The following DLGAP4 variants were observed in gnomAD, a reference collection of about 807,000 sequenced individuals.
The protein encoded by DLGAP4 is DLG associated protein 4, also known as disks large-associated protein 4.
In DLGAP4, 18 loss-of-function variants were observed where a neutral mutation model predicts 86.9. The observed-to-expected ratio is 0.21, with a 90% confidence interval of 0.14 to 0.31. DLGAP4 has a LOEUF of 0.31. Ranked by LOEUF, DLGAP4 falls within the 10% of genes least tolerant of loss-of-function variation. The pLI is 1.00. For missense variants in DLGAP4, 1,085 were observed against 1,362.6 expected (o/e 0.80, Z 3.21); for synonymous variants, 548 against 574.3 (o/e 0.95, Z 0.65).
rs2147879208 is a variant in DLGAP4 at position 36,526,837 on chromosome 20, G to A, written c.2785G>A (p.Val929Ile). Residue 929 changes from valine to isoleucine, a missense_variant, in exon 13 of 13, where the codon GTC becomes ATC. Physicochemically the swap from Val to Ile is conservative, Grantham distance 29. Coordinates refer to ENST00000339266, the MANE Select transcript of DLGAP4 (RefSeq NM_001365621.2). ...RKEEKKPPPP[V>I]PKKPAKSKPA... ...GGAAGAGAAGAAACCACCCCCTCCG[G>A]TCCCAAAGAAGCCAGCCAAATCCAA... The A allele has an allele frequency of 6.2e-7, 1 of 1,609,666 alleles. No homozygotes were observed. Among genetic ancestry groups the A allele is most frequent in the South Asian group, 1.1e-5 (1 of 90,608 alleles).
intron 1 of DLGAP4, among the ~76,000 whole-genome samples, chr20:36,332,494 G>A (rs1203909498): frequency 6.6e-6 from 1 of 152,134 alleles, no homozygotes; most frequent in East Asian, 1.9e-4. Flanking sequence ...GGTTCAAGCA[G>A]GTCTTCTCCC....
At chr20:36,495,920 T>G (rs1175844806) in intron 7 of DLGAP4, among the ~76,000 whole-genome samples, 1 of 152,166 alleles carries the variant, frequency 6.6e-6, no homozygotes, top group African/African-American at 2.4e-5. Flanking sequence ...TTCCCCAGGC[T>G]GGAGTGCAAT....
chr20:36,514,871 C>G (rs573299156), intron 10 of DLGAP4, among the ~76,000 whole-genome samples: 2 of 152,204 alleles, frequency 1.3e-5, no homozygotes, highest in South Asian at 2.1e-4. Context: ...AAGTAGAGAA[C>G]AGATAGCTTC....
chr20:36,498,433 ATCTTC>A (rs2035981489), intron 8 of DLGAP4: 1 of 152,222 alleles, frequency 6.6e-6, no homozygotes, highest in African/African-American at 2.4e-5. Context: ...AGACGCTCTT[ATCTTC>A]CCGGAAAGCC....
intron 8 of DLGAP4, 189 bp downstream of exon 8, chr20:36,497,255 G>A (rs933698544): frequency 1.1e-5 from 11 of 985,262 alleles, no homozygotes; most frequent in South Asian, 9.4e-5. Flanking sequence ...CTGTCCACAC[G>A]TGCTGCTGGT....
At chr20:36,477,963 C>T (rs6013422) in intron 7 of DLGAP4, among the ~76,000 whole-genome samples, 12 of 152,146 alleles carry the variant, frequency 7.9e-5, no homozygotes, top group Non-Finnish European at 7.3e-5. Context: ...GTCAGTCTTT[C>T]GAAGGACAGT....
intron 12 of DLGAP4, 110 bp from the exon 13 acceptor site, chr20:36,526,703 C>T (rs938315071): frequency 1.4e-5 from 14 of 996,384 alleles, no homozygotes; most frequent in African/African-American, 1.3e-4. Context: ...GTGCCCGATG[C>T]GGGGAGGCTG....
chr20:36,514,310 G>A (rs1269368799), intron 10 of DLGAP4, among the ~76,000 whole-genome samples: 1 of 152,122 alleles, frequency 6.6e-6, no homozygotes, highest in Non-Finnish European at 1.5e-5. Context: ...ATTAAGAGAA[G>A]AGAAAACAGG....
At chr20:36,353,425 C>T (rs1335680269) in intron 1 of DLGAP4, among the ~76,000 whole-genome samples, 2 of 152,246 alleles carry the variant, frequency 1.3e-5, no homozygotes, top group Admixed American at 6.5e-5. Flanking sequence ...GCGTCTTCTC[C>T]ATGGCCAGGC....
intron 2 of DLGAP4, among the ~76,000 whole-genome samples, chr20:36,407,565 AG>A (rs2032361186): frequency 6.6e-6 from 1 of 152,098 alleles, no homozygotes; most frequent in African/African-American, 2.4e-5. Context: ...GTCAGAAGAA[AG>A]GGCATTTGGG....
chr20:36,371,968 A>G (rs2030957454), intron 2 of DLGAP4, among the ~76,000 whole-genome samples: 1 of 152,122 alleles, frequency 6.6e-6, no homozygotes, highest in South Asian at 2.1e-4. Flanking sequence ...GGTTCCCACC[A>G]TCTTGCCTAG....
chr20:36,407,734 G>A (rs1018457493), intron 2 of DLGAP4, among the ~76,000 whole-genome samples: 1 of 152,120 alleles, frequency 6.6e-6, no homozygotes, highest in Admixed American at 6.5e-5. Context: ...TGCAGACCCA[G>A]GGGAGGAGAA....
At chr20:36,504,686 G>C (rs1210900432) in intron 10 of DLGAP4, among the ~76,000 whole-genome samples, 1 of 152,122 alleles carries the variant, frequency 6.6e-6, no homozygotes, top group Non-Finnish European at 1.5e-5. Context: ...AAAAATTCTA[G>C]CCATCCTAAC....
intron 1 of DLGAP4, among the ~76,000 whole-genome samples, chr20:36,348,903 C>G (rs1197284580): frequency 4.7e-5 from 7 of 149,184 alleles, no homozygotes; most frequent in African/African-American, 1.7e-4. Flanking sequence ...GAGTTCAAGA[C>G]CAGCCTGGCC....
chr20:36,512,217 ATT>A (rs1405665807), intron 10 of DLGAP4, among the ~76,000 whole-genome samples: 1 of 151,326 alleles, frequency 6.6e-6, no homozygotes, highest in Non-Finnish European at 1.5e-5. Context: ...CGCCCAGCTA[ATT>A]TTTTGTAATT....
intron 2 of DLGAP4, among the ~76,000 whole-genome samples, chr20:36,419,214 C>T (rs191470820): frequency 3.0e-4 from 46 of 152,086 alleles, no homozygotes; most frequent in African/African-American, 1.1e-3. Context: ...TCTCGACCTC[C>T]TTGACTCAAG....
intron 2 of DLGAP4, among the ~76,000 whole-genome samples, chr20:36,416,674 T>G (rs1210436048): frequency 1.3e-5 from 2 of 152,136 alleles, no homozygotes; most frequent in Admixed American, 6.5e-5. Context: ...CAGGGAAGAT[T>G]TCTTGGAGCA....
intron 1 of DLGAP4, among the ~76,000 whole-genome samples, chr20:36,327,906 A>G (rs1290532007): frequency 6.8e-6 from 1 of 147,726 alleles, no homozygotes; most frequent in African/African-American, 2.5e-5. Flanking sequence ...TATCTGGTTA[A>G]ATTCTAAGGT....
intron 2 of DLGAP4, among the ~76,000 whole-genome samples, chr20:36,406,653 AC>A (rs2032332543): frequency 6.6e-6 from 1 of 152,216 alleles, no homozygotes. Flanking sequence ...ATGTTTGGAT[AC>A]CATGGGTGGT....
Sources: allele counts gnomAD v4.1 joint callset (sites outside exome capture counted in the v4.1 genomes callset), GRCh38; gene constraint gnomAD v4.1.1; transcripts MANE v1.5; gene names NCBI Gene and HGNC (gene_info 2026-07-23, HGNC 2026-07-21).